CDH13: variants seen among roughly 807,000 people sequenced by gnomAD.
The protein encoded by CDH13 is cadherin 13.
In CDH13, 24 loss-of-function variants were observed where a neutral mutation model predicts 63.8. That is an observed-to-expected ratio of 0.38 (90% CI 0.27 to 0.53). CDH13 has a LOEUF of 0.53. CDH13 is among the 20% of genes least tolerant of loss of function. The probability of loss-of-function intolerance (pLI) is 0.85; values close to 1 mark genes in which losing one functional copy is unlikely to be tolerated. For synonymous variants in CDH13, 503 were observed against 355.3 expected (o/e 1.42, Z -4.67); for missense variants, 1,049 against 903.1 (o/e 1.16, Z -2.07).
At chr16:83,717,631 T>C (rs961497598) in intron 10 of CDH13, among the ~76,000 whole-genome samples, 1 of 152,252 alleles carries the variant, frequency 6.6e-6, no homozygotes, top group Non-Finnish European at 1.5e-5. Context: ...GTGAGCTCCT[T>C]TCACCTCTCA....
chr16:83,207,435 A>G (rs886262537), intron 4 of CDH13, among the ~76,000 whole-genome samples: 18 of 152,356 alleles, frequency 1.2e-4, no homozygotes, highest in African/African-American at 4.1e-4. Flanking sequence ...AAGTCTAAAT[A>G]GTATTTCTTT....
chr16:83,674,681 G>A (rs1485275177), intron 9 of CDH13, among the ~76,000 whole-genome samples: 3 of 152,210 alleles, frequency 2.0e-5, no homozygotes, highest in Non-Finnish European at 2.9e-5. Context: ...TCAGGATGCT[G>A]CTGGTTTCCA....
At chr16:82,636,429 G>A (rs577609204) in intron 1 of CDH13, among the ~76,000 whole-genome samples, 1 of 152,304 alleles carries the variant, frequency 6.6e-6, no homozygotes, top group African/African-American at 2.4e-5. Context: ...TGAATAAAGT[G>A]ACCGACGTGC....
intron 1 of CDH13, among the ~76,000 whole-genome samples, chr16:82,810,953 G>C (rs2037410720): frequency 6.6e-6 from 1 of 152,164 alleles, no homozygotes; most frequent in Admixed American, 6.5e-5. Context: ...GTTCTTAGCT[G>C]CTTCGTGTGC....
chr16:82,801,574 C>T (rs999531734), intron 1 of CDH13, among the ~76,000 whole-genome samples: 1 of 152,164 alleles, frequency 6.6e-6, no homozygotes, highest in Non-Finnish European at 1.5e-5. Context: ...AAGGTTACTA[C>T]TGGATGCTGA....
chr16:82,848,432 T>C (rs1446261255), intron 1 of CDH13, among the ~76,000 whole-genome samples: 3 of 152,218 alleles, frequency 2.0e-5, no homozygotes, highest in Non-Finnish European at 1.5e-5. Flanking sequence ...ATGGGTGCTG[T>C]TTTTCCAACA....
chr16:83,703,782 A>G (rs912691364), intron 10 of CDH13, among the ~76,000 whole-genome samples: 1 of 152,298 alleles, frequency 6.6e-6, no homozygotes, highest in Admixed American at 6.5e-5. Context: ...CAGAGGTACT[A>G]TGTTTCTTTT....
At chr16:83,173,072 A>G (rs1328539971) in intron 4 of CDH13, among the ~76,000 whole-genome samples, 5 of 152,108 alleles carry the variant, frequency 3.3e-5, no homozygotes, top group African/African-American at 1.2e-4. Flanking sequence ...TATTTAAACT[A>G]ATATTCACAA....
intron 2 of CDH13, among the ~76,000 whole-genome samples, chr16:82,989,585 C>A (rs1019942307): frequency 6.6e-6 from 1 of 152,212 alleles, no homozygotes; most frequent in Non-Finnish European, 1.5e-5. Context: ...AGGCCCAGAG[C>A]CTAGATGAGG....
At chr16:82,652,255 C>G (rs891046320) in intron 1 of CDH13, among the ~76,000 whole-genome samples, 1 of 152,122 alleles carries the variant, frequency 6.6e-6, no homozygotes, top group Middle Eastern at 3.2e-3. Flanking sequence ...TGGTGGAACC[C>G]CTGGGCTCTG....
intron 5 of CDH13, among the ~76,000 whole-genome samples, chr16:83,314,480 G>T (rs747438051): frequency 6.6e-6 from 1 of 152,078 alleles, no homozygotes; most frequent in African/African-American, 2.4e-5. Flanking sequence ...GATTTGAGGA[G>T]CCCAGCTCAT....
chr16:83,374,922 C>T (rs1233433197), intron 6 of CDH13, among the ~76,000 whole-genome samples: 1 of 152,186 alleles, frequency 6.6e-6, no homozygotes, highest in Admixed American at 6.5e-5. Flanking sequence ...CCTATATATA[C>T]AGATTTGAAG....
chr16:83,735,359 C>G (rs929532546), intron 10 of CDH13: 2 of 152,236 alleles, frequency 1.3e-5, no homozygotes, highest in Non-Finnish European at 2.9e-5. Context: ...CTTCTTCAAT[C>G]ATTGATTCCC....
chr16:82,981,656 C>T (rs1263827813), intron 2 of CDH13, among the ~76,000 whole-genome samples: 1 of 152,174 alleles, frequency 6.6e-6, no homozygotes, highest in Non-Finnish European at 1.5e-5. Context: ...TCATGAAAAA[C>T]ACCATAAAAT....
intron 7 of CDH13, among the ~76,000 whole-genome samples, chr16:83,531,526 G>C (rs551006709): frequency 2.0e-5 from 3 of 152,176 alleles, no homozygotes; most frequent in African/African-American, 7.2e-5. Context: ...CTTCTCTGCC[G>C]CCATGTGAGA....
chr16:83,559,633 G>T (rs1023718626), intron 7 of CDH13, among the ~76,000 whole-genome samples: 2 of 151,934 alleles, frequency 1.3e-5, no homozygotes, highest in African/African-American at 4.8e-5. Context: ...GAAAGAAAAA[G>T]AGAGAGAGGG....
At chr16:83,507,997 A>T (rs949050109) in intron 7 of CDH13, among the ~76,000 whole-genome samples, 3 of 149,828 alleles carry the variant, frequency 2.0e-5, no homozygotes, top group Non-Finnish European at 4.4e-5. Flanking sequence ...GCGCCACTGC[A>T]CTCCAGCTTG....
At chr16:83,092,163 T>C (rs1443993597) in intron 3 of CDH13, among the ~76,000 whole-genome samples, 3 of 152,230 alleles carry the variant, frequency 2.0e-5, no homozygotes, top group African/African-American at 7.2e-5. Flanking sequence ...TCCCGTTTTA[T>C]AGAAGCAAAT....
At chr16:83,380,088 A>G (rs114187122) in intron 6 of CDH13, among the ~76,000 whole-genome samples, 1 of 152,010 alleles carries the variant, frequency 6.6e-6, no homozygotes, top group Non-Finnish European at 1.5e-5. Context: ...TATGCCTAAG[A>G]TGATTCAAAA....
Sources: allele counts gnomAD v4.1 joint callset (sites outside exome capture counted in the v4.1 genomes callset), GRCh38; gene constraint gnomAD v4.1.1; transcripts MANE v1.5; gene names NCBI Gene and HGNC (gene_info 2026-07-23, HGNC 2026-07-21).